Variants in SARS2 observed in about 807,000 individuals in gnomAD.
SARS2 encodes serine--tRNA ligase, mitochondrial.
Under a neutral mutation model 66.8 loss-of-function variants are expected in SARS2, and 52 were observed. That is an observed-to-expected ratio of 0.78 (90% CI 0.62 to 0.98). The LOEUF (loss-of-function observed/expected upper bound fraction) is 0.98, where lower values mean the gene tolerates loss of function less well. Among genes scored for constraint, SARS2 ranks in the 50% least tolerant of loss-of-function variants. The pLI is 0.00. For synonymous variants in SARS2, 306 were observed against 281.4 expected (o/e 1.09, Z -0.87); for missense variants, 673 against 706.3 (o/e 0.95, Z 0.53).
chr19:38,919,865 C>A lies in SARS2; in HGVS notation c.656G>T (p.Arg219Leu), dbSNP rs747064409. 16 of 1,613,446 alleles carry A rather than the reference C, an allele frequency of 9.9e-6. No homozygotes were observed. In the African/African-American group the frequency reaches 2.1e-4, roughly 22 times the overall value. The change falls in exon 7 of 16, where the codon CGC (arginine) becomes CTC (leucine). Residue 219 changes from arginine to leucine, a missense_variant and splice_region_variant. Coordinates refer to ENST00000221431, the MANE Select transcript of SARS2 (RefSeq NM_017827.4). Reference sequence around the variant, plus strand: ...CCGGTGGCCAGACACGTGGGACAGGCGCCTGGGAGACAGACAGACAGGCGG... The same window carrying A: ...CCGGTGGCCAGACACGTGGGACAGGAGCCTGGGAGACAGACAGACAGGCGG... ...GEKLDIIRQK[R>L]LSHVSGHRSY... is the part of the protein sequence containing the mutation.
rs763321685 is a variant in SARS2, at chr19:38,916,209, C to G, written c.1254+12G>C. The G allele has an allele frequency of 6.2e-7, 1 of 1,613,856 alleles. No individual in the cohort carries two copies. Among genetic ancestry groups the G allele is most frequent in the Non-Finnish European group, 8.5e-7 (1 of 1,179,794 alleles). ...CTCCTGCCCACCCCGTCCCCAGCGG[C>G]ACAGGGCTCACCTCTCCAAAGCGGC... On this transcript the variant is annotated intron_variant, in intron 13 of 15. Coordinates refer to ENST00000221431, the MANE Select transcript of SARS2 (RefSeq NM_017827.4).
In SARS2 at chr19:38,916,174, C is replaced by A. The variant is rs576989557; in HGVS notation, c.1255-45G>T. 5 of 1,612,986 alleles carry A rather than the reference C, an allele frequency of 3.1e-6. No homozygotes were observed. In the Middle Eastern group the frequency reaches 4.9e-4, roughly 160 times the overall value. ...GGCTGAGCGGATCAGGGATGGGGGG[C>A]AGGCCTGTCCTCCTGCCCACCCCGT... On this transcript the variant is annotated intron_variant, in intron 13 of 15. Transcript: ENST00000221431.
Position 38,919,811 on chromosome 19 carries a change from A to T in SARS2, c.710T>A (p.Leu237His), listed in dbSNP as rs773149708. The change falls in exon 7 of 16, where the codon CTC (leucine) becomes CAC (histidine). Residue 237 changes from leucine (L) to histidine (H), a missense_variant. Leu to His is a moderately conservative substitution (Grantham distance 99, BLOSUM62 -3). Coordinates refer to ENST00000221431, the MANE Select transcript of SARS2 (RefSeq NM_017827.4). ...RSYYLRGAGA[L>H]LQHGLVNFTF... ...GAAGTTGACCAGGCCGTGCTGCAGG[A>T]GGGCTCCAGCCCCGCGCAGGTAATA... The T allele has an allele frequency of 6.2e-7, 1 of 1,614,154 alleles. No homozygotes were observed. Among genetic ancestry groups the T allele is most frequent in the Non-Finnish European group, 8.5e-7 (1 of 1,180,022 alleles).
intron 6 of SARS2, 93 bp from the exon 7 acceptor site, chr19:38,919,960 G>A: frequency 7.3e-7 from 1 of 1,372,548 alleles, no homozygotes; most frequent in East Asian, 2.4e-5. Flanking sequence ...CGGCTGCTGG[G>A]TGGGGCTGGG....
At position 38,930,484 on chromosome 19, in the gene SARS2, C is replaced by T; in HGVS notation, c.253G>A (p.Asp85Asn). ...GGCGCACTCACGATCGCGGGCAGGTCCGCCGAGCGCAGCTCCCCCTTGCGG... is the reference window on the plus strand; with the variant it reads ...GGCGCACTCACGATCGCGGGCAGGTTCGCCGAGCGCAGCTCCCCCTTGCGG... ...ELRKGELRSA[D>N]LPAIISTWQE... The change falls in exon 1 of 16, where the codon GAC becomes AAC. Residue 85 changes from aspartate (D) to asparagine (N), a missense_variant. Coordinates refer to ENST00000221431, the MANE Select transcript of SARS2 (RefSeq NM_017827.4). The T allele has an allele frequency of 6.3e-7, 1 of 1,599,134 alleles. No individual in the cohort carries two copies.
chr19:38,919,477 G>A (rs1024828813), intron 7 of SARS2, among the ~76,000 whole-genome samples: 1 of 152,168 alleles, frequency 6.6e-6, no homozygotes, highest in African/African-American at 2.4e-5. Flanking sequence ...GCAGTGAGGT[G>A]CAATGATTAC....
At chr19:38,921,286 C>G in intron 5 of SARS2, 106 bp downstream of exon 5, 2 of 1,217,978 alleles carry the variant, frequency 1.6e-6, no homozygotes, top group Non-Finnish European at 2.4e-6. Context: ...GCCAGGAGTT[C>G]TCCAGGCTCC....
At chr19:38,918,285 C>G in intron 9 of SARS2, 137 bp downstream of exon 9, 1 of 1,152,688 alleles carries the variant, frequency 8.7e-7, no homozygotes, top group Non-Finnish European at 1.3e-6. Context: ...CAGTAAACAA[C>G]CTACACAGCC....
At chr19:38,921,169 G>C (rs1974527367) in intron 5 of SARS2, among the ~76,000 whole-genome samples, 1 of 152,248 alleles carries the variant, frequency 6.6e-6, no homozygotes, top group Middle Eastern at 3.4e-3. Flanking sequence ...ACAACACAGG[G>C]TGAGACTGCC....
rs570109781 is a variant in SARS2 at position 38,926,232 on chromosome 19, A to G, written c.336T>C (p.Ala112=). 6.2e-7 allele frequency: 1 copy of G among 1,606,830 alleles called. No individual in the cohort carries two copies. Among genetic ancestry groups the G allele is most frequent in the Non-Finnish European group, 8.5e-7 (1 of 1,179,960 alleles). Residue 112 remains alanine, a synonymous_variant, in exon 2 of 16, where the codon GCT becomes GCC. Transcript: ENST00000221431. The stretch of plus-strand genomic sequence containing the variant: ...GCAGGGCCCGCACTGCCTCAGTCAC[A>G]GCTGCCTTCTCTTCCTCCAGGCTCC... ...QIRSLEEEKA[A]VTEAVRALLA... is the part of the protein sequence containing the mutation.
At chr19:38,922,619 T>C (rs1289011475) in intron 2 of SARS2, among the ~76,000 whole-genome samples, 1 of 152,144 alleles carries the variant, frequency 6.6e-6, no homozygotes, top group Admixed American at 6.5e-5. Context: ...CCAAATAATA[T>C]CTCAAATTGT....
chr19:38,918,820 A>C lies in SARS2; in HGVS notation c.760-7T>G. On this transcript the variant is annotated splice_polypyrimidine_tract_variant and splice_region_variant and intron_variant, in intron 7 of 15. Coordinates refer to ENST00000221431, the MANE Select transcript of SARS2 (RefSeq NM_017827.4). ...CCGTCATGGGGGTGAAGCCCTGTTC[A>C]GGGGAGAGGATGAGTGAGCAGAGCT... is the stretch of plus-strand genomic sequence containing the variant. 6.4e-7 allele frequency: 1 copy of C among 1,558,690 alleles called. No individual in the cohort carries two copies.
At chr19:38,926,117 T>C in intron 2 of SARS2, 88 bp downstream of exon 2, 1 of 1,147,252 alleles carries the variant, frequency 8.7e-7, no homozygotes, top group Non-Finnish European at 1.3e-6. Flanking sequence ...TGCCAGCCTG[T>C]TCAAGTTCTT....
chr19:38,915,801 C>A (rs774270448), intron 15 of SARS2, 40 bp downstream of exon 15: 2 of 1,612,746 alleles, frequency 1.2e-6, no homozygotes, highest in Admixed American at 1.7e-5. Flanking sequence ...CCCTCCCCGG[C>A]GCTGAGCTGC....
chr19:38,921,327 C>T, intron 5 of SARS2, 65 bp downstream of exon 5: 5 of 1,565,814 alleles, frequency 3.2e-6, no homozygotes, highest in Non-Finnish European at 4.4e-6. Flanking sequence ...GGGGCCCCCA[C>T]CCCGAGACCC....
At chr19:38,917,329 T>C (rs1198179381) in intron 12 of SARS2, among the ~76,000 whole-genome samples, 1 of 152,234 alleles carries the variant, frequency 6.6e-6, no homozygotes, top group African/African-American at 2.4e-5. Flanking sequence ...TCTTGAAAGC[T>C]GCGTGTGACT....
chr19:38,923,219 C>CTTTT (rs1165441029), intron 2 of SARS2, among the ~76,000 whole-genome samples: 7 of 75,764 alleles, frequency 9.2e-5, no homozygotes, highest in East Asian at 4.5e-4. Flanking sequence ...CTCAGGTTTT[C>CTTTT]TTTTTTTTTT....
At chr19:38,926,106 G>A (rs750288653) in intron 2 of SARS2, 99 bp downstream of exon 2, 79 of 1,032,976 alleles carry the variant, frequency 7.6e-5, no homozygotes, top group Non-Finnish European at 8.5e-5. Flanking sequence ...GTGAGCCACC[G>A]TGCCAGCCTG....
chr19:38,915,871 G>A lies in SARS2; in HGVS notation c.1383C>T (p.Leu461=), dbSNP rs1419648265. 1 of 1,613,782 alleles carries A rather than the reference G, an allele frequency of 6.2e-7. No individual in the cohort carries two copies. Among genetic ancestry groups the A allele is most frequent in the African/African-American group, 1.3e-5 (1 of 74,934 alleles). The change falls in exon 15 of 16, where the codon CTC becomes CTT. Residue 461 remains leucine (L), a synonymous_variant. Transcript: ENST00000221431. The part of the protein sequence containing the change: ...NATACAVPRL[L]IALLESNQQK... Reference sequence around the variant, plus strand: ...GCTGGTTACTCTCCAGGAGCGCGATGAGAAGGCGGGGGACAGCACAGGCGG... The same window carrying A: ...GCTGGTTACTCTCCAGGAGCGCGATAAGAAGGCGGGGGACAGCACAGGCGG...
Sources: allele counts gnomAD v4.1 joint callset (sites outside exome capture counted in the v4.1 genomes callset), GRCh38; gene constraint gnomAD v4.1.1; transcripts MANE v1.5; gene names NCBI Gene and HGNC (gene_info 2026-07-23, HGNC 2026-07-21).